The following NOX4 variants were observed in gnomAD, a reference collection of about 807,000 sequenced individuals.
The protein encoded by NOX4 is NADPH oxidase 4, also known as kidney oxidase-1.
A neutral mutation model predicts 87.6 loss-of-function variants in NOX4; 69 were observed. That is an observed-to-expected ratio of 0.79 (90% CI 0.65 to 0.96). The LOEUF is 0.96. Ranked by LOEUF, NOX4 falls within the 40% of genes least tolerant of loss-of-function variation. The probability of loss-of-function intolerance (pLI) is 0.00; values close to 1 mark genes in which losing one functional copy is unlikely to be tolerated. For synonymous variants in NOX4, 275 were observed against 238.2 expected (o/e 1.15, Z -1.42); for missense variants, 680 against 681.5 (o/e 1.00, Z 0.02).
chr11:89,519,204 A>T, the NOX4 span, among the ~76,000 whole-genome samples: 1 of 152,090 alleles, frequency 6.6e-6, no homozygotes, highest in South Asian at 2.1e-4. Flanking sequence ...TGAGAGCATA[A>T]AAGAAAGTCA....
chr11:89,465,195 T>A (rs1453782793), intron 2 of NOX4, among the ~76,000 whole-genome samples: 1 of 152,110 alleles, frequency 6.6e-6, no homozygotes, highest in Admixed American at 6.5e-5. Flanking sequence ...CCATGTGTTC[T>A]CATTGTTCAA....
intron 8 of NOX4, among the ~76,000 whole-genome samples, chr11:89,421,208 T>A (rs1943068941): frequency 6.6e-6 from 1 of 152,200 alleles, no homozygotes; most frequent in South Asian, 2.1e-4. Context: ...GGTGTGAATG[T>A]CACGCCAAAG....
intron 2 of NOX4, among the ~76,000 whole-genome samples, chr11:89,482,153 A>G (rs1415571964): frequency 6.6e-6 from 1 of 152,100 alleles, no homozygotes; most frequent in African/African-American, 2.4e-5. Context: ...ATAAAGCTCG[A>G]CAAACCTCTA....
At chr11:89,371,726 G>T (rs1428078130) in intron 12 of NOX4, among the ~76,000 whole-genome samples, 3 of 150,986 alleles carry the variant, frequency 2.0e-5, no homozygotes, top group Admixed American at 2.0e-4. Flanking sequence ...TGGGCATATT[G>T]TGATTATTCA....
intron 11 of NOX4, among the ~76,000 whole-genome samples, chr11:89,374,325 T>A (rs1029972726): frequency 6.6e-6 from 1 of 152,178 alleles, no homozygotes; most frequent in African/African-American, 2.4e-5. Flanking sequence ...AATTATCCAC[T>A]TGTTTGAGAT....
At chr11:89,465,038 G>A (rs548648798) in intron 2 of NOX4, among the ~76,000 whole-genome samples, 5 of 152,258 alleles carry the variant, frequency 3.3e-5, no homozygotes, top group Middle Eastern at 3.4e-3. Context: ...TGTGCAGAAC[G>A]TGTAGGTTTT....
At chr11:89,405,998 T>C (rs1036980736) in intron 8 of NOX4, among the ~76,000 whole-genome samples, 5 of 152,158 alleles carry the variant, frequency 3.3e-5, no homozygotes, top group African/African-American at 7.2e-5. Context: ...TGGCTTTATA[T>C]GGCTATAGAC....
intron 9 of NOX4, among the ~76,000 whole-genome samples, chr11:89,402,092 CA>C (rs1941889529): frequency 6.6e-6 from 1 of 151,930 alleles, no homozygotes; most frequent in Non-Finnish European, 1.5e-5. Flanking sequence ...CTGTTGTATG[CA>C]AAGGTCATAT....
chr11:89,422,052 A>T, intron 7 of NOX4, 70 bp from the exon 8 acceptor site: 1 of 810,750 alleles, frequency 1.2e-6, no homozygotes, highest in Non-Finnish European at 1.9e-6. Flanking sequence ...CAAAAATACC[A>T]TGTATCATTT....
At chr11:89,492,736 C>T (rs552062944), upstream of NOX4, among the ~76,000 whole-genome samples, 13 of 152,112 alleles carry the variant, frequency 8.5e-5, no homozygotes, top group Admixed American at 2.6e-4. Context: ...AAAGAGCACA[C>T]GAAAAACCCA....
the NOX4 span, among the ~76,000 whole-genome samples, chr11:89,537,115 T>C: frequency 7.9e-5 from 12 of 152,346 alleles, no homozygotes; most frequent in African/African-American, 2.9e-4. Flanking sequence ...GGAGAGCAGC[T>C]TGGCTCTTCA....
chr11:89,572,520 T>C, the NOX4 span, among the ~76,000 whole-genome samples: 1 of 151,276 alleles, frequency 6.6e-6, no homozygotes, highest in African/African-American at 2.5e-5. Flanking sequence ...TGCAGAATTA[T>C]ATGTTTTTTT....
chr11:89,402,399 G>A lies in NOX4; in HGVS notation c.773C>T (p.Pro258Leu), dbSNP rs370148493. 1.9e-4 allele frequency: 300 copies of A among 1,612,828 alleles called. No homozygotes were observed. Among genetic ancestry groups the A allele is most frequent in the Admixed American group, 4.3e-4 (26 of 59,818 alleles). ...AAATTTGTGCTGGGTAAACTCTGCCGGTTTTGAAAATCCTTCAGGGAAAGG... is the reference window on the plus strand; with the variant it reads ...AAATTTGTGCTGGGTAAACTCTGCCAGTTTTGAAAATCCTTCAGGGAAAGG... Reference protein sequence around the residue: ...HEPFPEGFSKPAEFTQHKFVK... With the variant: ...HEPFPEGFSKLAEFTQHKFVK... The change falls in exon 9 of 18, where the codon CCG (proline) becomes CTG (leucine). Residue 258 changes from proline (P) to leucine (L), a missense_variant. Coordinates refer to ENST00000263317, the MANE Select transcript of NOX4 (RefSeq NM_016931.5).
intron 11 of NOX4, among the ~76,000 whole-genome samples, chr11:89,374,260 T>G (rs1446619742): frequency 6.6e-6 from 1 of 152,178 alleles, no homozygotes; most frequent in Non-Finnish European, 1.5e-5. Context: ...TGACTTTAAT[T>G]AATGGGAGGC....
chr11:89,572,628 C>A, the NOX4 span, among the ~76,000 whole-genome samples: 11 of 152,156 alleles, frequency 7.2e-5, no homozygotes, highest in Non-Finnish European at 1.2e-4. Flanking sequence ...AGGCTCACTG[C>A]AAGCTCCACC....
At position 89,490,881 on chromosome 11, in the gene NOX4, A is replaced by G. The variant is rs988760024; in HGVS notation, c.57+309T>C. The G allele has an allele frequency of 4.1e-5, 29 of 701,088 alleles. No individual in the cohort carries two copies. In the African/African-American group the frequency reaches 4.9e-4, roughly 12 times the overall value. 43.4% of individuals were successfully genotyped at this position (701,088 alleles called of 1,614,324 possible). ...AAGCAAACAGAAGTAATCTGGGAAA[A>G]GAACAAAGGGAGCAAAAATGTTTAA... On this transcript the variant is annotated intron_variant, in intron 1 of 17. Coordinates refer to ENST00000263317, the MANE Select transcript of NOX4 (RefSeq NM_016931.5).
upstream of NOX4, among the ~76,000 whole-genome samples, chr11:89,502,465 A>G (rs1947032914): frequency 6.6e-6 from 1 of 152,066 alleles, no homozygotes; most frequent in African/African-American, 2.4e-5. Context: ...CTCTTTGATC[A>G]AATAAGACTA....
intron 11 of NOX4, among the ~76,000 whole-genome samples, chr11:89,385,839 C>T (rs1940662103): frequency 6.6e-6 from 1 of 152,126 alleles, no homozygotes; most frequent in Non-Finnish European, 1.5e-5. Flanking sequence ...AGGCCTTTCC[C>T]ACAGGGTCTG....
At chr11:89,427,220 G>A (rs989090090) in intron 7 of NOX4, among the ~76,000 whole-genome samples, 4 of 151,998 alleles carry the variant, frequency 2.6e-5, no homozygotes, top group East Asian at 3.9e-4. Context: ...AACCTCATTC[G>A]CATGTCACCA....
Sources: allele counts gnomAD v4.1 joint callset (sites outside exome capture counted in the v4.1 genomes callset), GRCh38; gene constraint gnomAD v4.1.1; transcripts MANE v1.5; gene names NCBI Gene and HGNC (gene_info 2026-07-23, HGNC 2026-07-21).